Variants in RUNDC3B observed in about 807,000 individuals in gnomAD.
The protein encoded by RUNDC3B is RUN domain containing 3B.
A neutral mutation model predicts 58.4 loss-of-function variants in RUNDC3B; 33 were observed. That is an observed-to-expected ratio of 0.56 (90% confidence interval 0.43 to 0.75). RUNDC3B has a LOEUF of 0.75. Ranked by LOEUF, RUNDC3B falls within the 30% of genes least tolerant of loss-of-function variation. The pLI, the probability that RUNDC3B is intolerant of heterozygous loss-of-function variation, is 0.00. For synonymous variants in RUNDC3B, 193 were observed against 195.2 expected (o/e 0.99, Z 0.10); for missense variants, 501 against 535.7 (o/e 0.94, Z 0.64).
chr7:87,668,414 T>C (rs1825486072), intron 2 of RUNDC3B, among the ~76,000 whole-genome samples: 1 of 152,130 alleles, frequency 6.6e-6, no homozygotes, highest in Non-Finnish European at 1.5e-5. Flanking sequence ...CCTATTTTAT[T>C]AGTTTTTTCA....
intron 8 of RUNDC3B, among the ~76,000 whole-genome samples, chr7:87,788,549 G>A (rs908231352): frequency 2.0e-5 from 3 of 151,840 alleles, no homozygotes; most frequent in African/African-American, 7.3e-5. Flanking sequence ...GACTTTAGTT[G>A]GCTCCAGTAA....
intron 2 of RUNDC3B, among the ~76,000 whole-genome samples, chr7:87,683,659 C>T (rs1827159312): frequency 6.6e-6 from 1 of 152,098 alleles, no homozygotes; most frequent in Non-Finnish European, 1.5e-5. Context: ...AAAATTATTA[C>T]AATAGTAACA....
At chr7:87,767,944 C>G (rs1834060474) in intron 6 of RUNDC3B, among the ~76,000 whole-genome samples, 1 of 152,086 alleles carries the variant, frequency 6.6e-6, no homozygotes, top group African/African-American at 2.4e-5. Flanking sequence ...TGTCTACTAC[C>G]AACAAAATAA....
intron 6 of RUNDC3B, among the ~76,000 whole-genome samples, chr7:87,760,065 A>G (rs557369460): frequency 7.5e-4 from 111 of 148,472 alleles, no homozygotes; most frequent in African/African-American, 2.5e-3. Flanking sequence ...TCTGTGATAC[A>G]GGGGTTTTTT....
chr7:87,642,036 T>C (rs995020648), intron 1 of RUNDC3B, among the ~76,000 whole-genome samples: 4 of 151,962 alleles, frequency 2.6e-5, no homozygotes, highest in Non-Finnish European at 4.4e-5. Flanking sequence ...GTGGACGATA[T>C]GCTTTTTGCA....
chr7:87,777,998 A>C, intron 8 of RUNDC3B, 43 bp downstream of exon 8: 1 of 1,533,340 alleles, frequency 6.5e-7, no homozygotes, highest in South Asian at 1.2e-5. Flanking sequence ...GCATGTAAAC[A>C]TTAAGACAAA....
At chr7:87,683,671 C>A (rs1008013150) in intron 2 of RUNDC3B, among the ~76,000 whole-genome samples, 1 of 152,064 alleles carries the variant, frequency 6.6e-6, no homozygotes, top group Non-Finnish European at 1.5e-5. Context: ...ATAGTAACAT[C>A]AAAGATCACT....
intron 10 of RUNDC3B, among the ~76,000 whole-genome samples, chr7:87,819,956 C>T (rs1374410002): frequency 6.6e-6 from 1 of 151,612 alleles, no homozygotes; most frequent in African/African-American, 2.4e-5. Context: ...AAATTGACAC[C>T]CTAACATCAC....
In RUNDC3B at chr7:87,650,944, G is replaced by C; in HGVS notation, c.238+7G>C. 6 of 1,477,644 alleles carry C rather than the reference G, an allele frequency of 4.1e-6. No homozygotes were observed. The highest frequency in any genetic ancestry group is 5.7e-6 in the Non-Finnish European group (6 of 1,056,840). 91.5% of individuals were successfully genotyped at this position (1,477,644 alleles called of 1,614,324 possible). ...TTAAGCCACCGGCTAAAAGGTAAAA[G>C]CACTAATGTACTATTTATTTTCCCA... On this transcript the variant is annotated splice_region_variant and intron_variant, in intron 2 of 10. Coordinates refer to ENST00000394654, the MANE Select transcript of RUNDC3B (RefSeq NM_001134405.2).
chr7:87,639,404 A>T (rs1822203754), intron 1 of RUNDC3B, among the ~76,000 whole-genome samples: 1 of 152,116 alleles, frequency 6.6e-6, no homozygotes. Context: ...TATGTCAGTT[A>T]AGTCTAGTGT....
chr7:87,642,454 A>G (rs886111752), intron 1 of RUNDC3B, among the ~76,000 whole-genome samples: 1 of 152,136 alleles, frequency 6.6e-6, no homozygotes, highest in African/African-American at 2.4e-5. Flanking sequence ...TTGGATTCCC[A>G]AGGGATATGT....
At chr7:87,786,255 T>C (rs1835209380) in intron 8 of RUNDC3B, among the ~76,000 whole-genome samples, 1 of 152,134 alleles carries the variant, frequency 6.6e-6, no homozygotes, top group African/African-American at 2.4e-5. Flanking sequence ...CCTTCCAGTG[T>C]TATTTTGTAA....
chr7:87,771,210 T>C (rs752585537), intron 7 of RUNDC3B, among the ~76,000 whole-genome samples: 26 of 152,080 alleles, frequency 1.7e-4, no homozygotes, highest in South Asian at 1.0e-3. Flanking sequence ...ACTTTTTTAC[T>C]GTATTTTCTA....
rs1007471876 is a variant in RUNDC3B at position 87,666,217 on chromosome 7, A to T, written c.238+15280A>T. Among the ~76,000 whole-genome samples, 38 of 151,910 alleles carry T rather than the reference A, an allele frequency of 2.5e-4. 1 individual carries two copies. The highest frequency in any genetic ancestry group is 1.5e-4 in the Non-Finnish European group (10 of 67,952). Reference sequence around the variant, plus strand: ...GAGATGGTATCTCATTGTGGTTTTGATTTGCATTTTTCTAATGATCAGTGA... The same window carrying T: ...GAGATGGTATCTCATTGTGGTTTTGTTTTGCATTTTTCTAATGATCAGTGA... On this transcript the variant is annotated intron_variant, in intron 2 of 10. Coordinates refer to ENST00000394654, the MANE Select transcript of RUNDC3B (RefSeq NM_001134405.2).
chr7:87,628,634 G>A lies in RUNDC3B; in HGVS notation c.-190G>A. 1 of 363,992 alleles carries A rather than the reference G, an allele frequency of 2.7e-6. No individual in the cohort carries two copies. The highest frequency in any genetic ancestry group is 4.8e-6 in the Non-Finnish European group (1 of 206,942). 22.5% of individuals were successfully genotyped at this position (363,992 alleles called of 1,614,324 possible). ...GTGTGTGTGTGTGTGTGGAGCTCGG[G>A]TGCCAAGGGCGAGCCGTCAGTCCCC... is the stretch of plus-strand genomic sequence containing the variant. On this transcript the variant is annotated 5_prime_UTR_variant, in exon 1 of 11. It adds an upstream start codon to the 5' untranslated region. Transcript: ENST00000394654.
chr7:87,821,912 A>G (rs1837468447), intron 10 of RUNDC3B, among the ~76,000 whole-genome samples: 1 of 152,214 alleles, frequency 6.6e-6, no homozygotes, highest in African/African-American at 2.4e-5. Flanking sequence ...AAAGACTTAC[A>G]TGTTAGACCT....
chr7:87,765,832 G>A (rs1337964689), intron 6 of RUNDC3B, among the ~76,000 whole-genome samples: 3 of 151,928 alleles, frequency 2.0e-5, no homozygotes, highest in African/African-American at 7.2e-5. Flanking sequence ...TCTAATTTAA[G>A]TCCAGAGTAT....
chr7:87,643,246 C>A (rs1283736868), intron 1 of RUNDC3B, among the ~76,000 whole-genome samples: 1 of 151,858 alleles, frequency 6.6e-6, no homozygotes, highest in Admixed American at 6.6e-5. Context: ...TTTTACATTG[C>A]GTAAAATTTT....
chr7:87,690,077 G>C (rs1263148711), intron 2 of RUNDC3B, among the ~76,000 whole-genome samples: 1 of 151,928 alleles, frequency 6.6e-6, no homozygotes, highest in Non-Finnish European at 1.5e-5. Flanking sequence ...TGATCCTTCT[G>C]CTTCCACCTC....
Sources: gnomAD v4.1 joint callset for allele counts (sites outside exome capture counted in the v4.1 genomes callset) on GRCh38, gnomAD v4.1.1 for gene constraint, MANE v1.5 for transcripts, NCBI Gene and HGNC (gene_info 2026-07-23, HGNC 2026-07-21) for gene names.